Variants in ACSM5 observed in about 807,000 individuals in gnomAD.
The protein encoded by ACSM5 is acyl-coenzyme A synthetase ACSM5, mitochondrial.
Under a neutral mutation model 71.6 loss-of-function variants are expected in ACSM5, and 56 were observed. That is an observed-to-expected ratio of 0.78 (90% CI 0.63 to 0.98). ACSM5 has a LOEUF of 0.98. Among genes scored for constraint, ACSM5 ranks in the 50% least tolerant of loss-of-function variants. The pLI, the probability that ACSM5 is intolerant of heterozygous loss-of-function variation, is 0.00. For synonymous variants in ACSM5, 285 were observed against 281.5 expected (o/e 1.01, Z -0.12); for missense variants, 723 against 726.0 (o/e 1.00, Z 0.05).
chr16:20,427,073 C>A (rs1316122861), intron 6 of ACSM5, among the ~76,000 whole-genome samples: 2 of 151,576 alleles, frequency 1.3e-5, no homozygotes, highest in South Asian at 2.1e-4. Flanking sequence ...GAGGCCAAGG[C>A]GGGTGAATCA....
chr16:20,419,329 G>T lies in ACSM5; in HGVS notation c.517G>T (p.Ala173Ser). The T allele has an allele frequency of 6.2e-7, 1 of 1,614,178 alleles. No individual in the cohort carries two copies. Among genetic ancestry groups the T allele is most frequent in the Non-Finnish European group, 8.5e-7 (1 of 1,180,024 alleles). ...AKSIITSDSL[A>S]PRVDAISAEC... The stretch of plus-strand genomic sequence containing the variant: ...GTCCATTATCACCAGTGACTCCCTA[G>T]CTCCAAGGGTGGATGCCATCAGTGC... Residue 173 changes from alanine to serine, a missense_variant, in exon 4 of 14, where the codon GCT (alanine) becomes TCT (serine). Ala to Ser is a moderately conservative substitution (Grantham distance 99, BLOSUM62 1). Coordinates refer to ENST00000331849, the MANE Select transcript of ACSM5 (RefSeq NM_017888.3).
chr16:20,430,356 T>C (rs1187830211), intron 8 of ACSM5, among the ~76,000 whole-genome samples: 1 of 151,930 alleles, frequency 6.6e-6, no homozygotes, highest in African/African-American at 2.4e-5. Flanking sequence ...CATCTGCCAC[T>C]GTTCAGAGTC....
Position 20,420,468 on chromosome 16 carries a change from C to T in ACSM5, c.624-790C>T, listed in dbSNP as rs547514998. On this transcript the variant is annotated intron_variant, in intron 4 of 13. Transcript: ENST00000331849. The stretch of plus-strand genomic sequence containing the variant: ...ATACAAAATTAGCTGGGCGTGGTGG[C>T]GCACGCCTATATTCCCAGCTATTTG... Among the ~76,000 whole-genome samples, 125 of 152,242 alleles carry T rather than the reference C, an allele frequency of 8.2e-4. 1 individual carries two copies. The highest frequency in any genetic ancestry group is 2.7e-3 in the African/African-American group (111 of 41,546).
Position 20,440,808 on chromosome 16 carries a change from T to C in ACSM5, c.*381T>C, listed in dbSNP as rs1375101180. The stretch of plus-strand genomic sequence containing the variant: ...GTGGGAATGTAAAGGCTTCATCCTT[T>C]GTATGTAACCATTTGGCAAAAGTAT... On this transcript the variant is annotated 3_prime_UTR_variant, in exon 14 of 14. Coordinates refer to ENST00000331849, the MANE Select transcript of ACSM5 (RefSeq NM_017888.3). 1 of 170,668 alleles carries C rather than the reference T, an allele frequency of 5.9e-6. No homozygotes were observed. Among genetic ancestry groups the C allele is most frequent in the African/African-American group, 2.4e-5 (1 of 42,270 alleles). The allele number at this position is 170,668 out of a possible 1,614,324, so 10.6% of individuals were successfully genotyped here. A position where few individuals can be genotyped will look rare whatever the true frequency, so the allele number is the denominator to read the frequency against.
chr16:20,437,252 T>G lies in ACSM5; in HGVS notation c.1437-16T>G, dbSNP rs771968131. 6.2e-7 allele frequency: 1 copy of G among 1,614,038 alleles called. No individual in the cohort carries two copies. The highest frequency in any genetic ancestry group is 1.3e-5 in the African/African-American group (1 of 74,912). ...TGAGGGAAGCCCACTTGGAAGAGTT[T>G]GTTTTTCCCTTCCAGCTACCGGATC... On this transcript the variant is annotated splice_polypyrimidine_tract_variant and intron_variant, in intron 11 of 13. Transcript: ENST00000331849.
intron 6 of ACSM5, among the ~76,000 whole-genome samples, chr16:20,424,858 A>G (rs1037984069): frequency 1.3e-5 from 2 of 152,218 alleles, no homozygotes; most frequent in Non-Finnish European, 2.9e-5. Flanking sequence ...AATAATTTTT[A>G]ATTTTTGTGG....
rs751668291 is a variant in ACSM5, at chr16:20,418,044, T to C, written c.205-15T>C. Reference sequence around the variant, plus strand: ...TAAATTGCTTCTTTTTTTTTCTGCCTGTACCACCATCTAGGCTGGACACCG... The same window carrying C: ...TAAATTGCTTCTTTTTTTTTCTGCCCGTACCACCATCTAGGCTGGACACCG... On this transcript the variant is annotated splice_polypyrimidine_tract_variant and intron_variant, in intron 2 of 13. Coordinates refer to ENST00000331849, the MANE Select transcript of ACSM5 (RefSeq NM_017888.3). 4 of 1,609,534 alleles carry C rather than the reference T, an allele frequency of 2.5e-6. No homozygotes were observed. In the African/African-American group the frequency reaches 5.4e-5, roughly 22 times the overall value.
At chr16:20,422,162 T>C (rs971229643) in intron 5 of ACSM5, among the ~76,000 whole-genome samples, 7 of 152,188 alleles carry the variant, frequency 4.6e-5, no homozygotes, top group African/African-American at 1.7e-4. Context: ...CCCAGGCTGG[T>C]GTGCAGTGGT....
chr16:20,419,530 G>A, intron 4 of ACSM5, 95 bp downstream of exon 4: 1 of 1,248,244 alleles, frequency 8.0e-7, no homozygotes. Context: ...CACATAGAGA[G>A]CGAATCAGAG....
Position 20,439,879 on chromosome 16 carries a change from A to G in ACSM5, c.1616A>G (p.His539Arg). 6.2e-7 allele frequency: 1 copy of G among 1,612,438 alleles called. No individual in the cohort carries two copies. Among genetic ancestry groups the G allele is most frequent in the Non-Finnish European group, 8.5e-7 (1 of 1,178,784 alleles). ...GCACTAACGCGGGAACTCCAGGAGC[A>G]TGTGAAAAGGGTGACTGCTCCATAC... ...PEALTRELQE[H>R]VKRVTAPYKY... Residue 539 changes from histidine (H) to arginine (R), a missense_variant, in exon 13 of 14, where the codon CAT (histidine) becomes CGT (arginine). His to Arg is a conservative substitution (Grantham distance 29). Coordinates refer to ENST00000331849, the MANE Select transcript of ACSM5 (RefSeq NM_017888.3).
At chr16:20,437,506 C>T (rs1484329859) in intron 12 of ACSM5, 139 bp downstream of exon 12, 5 of 682,384 alleles carry the variant, frequency 7.3e-6, no homozygotes, top group South Asian at 3.7e-5. Context: ...ATCAGACACA[C>T]GTTGCCTTCA....
At chr16:20,421,051 G>C in intron 4 of ACSM5, 1 of 436,332 alleles carries the variant, frequency 2.3e-6, no homozygotes, top group Non-Finnish European at 3.8e-6. Flanking sequence ...TATCTATTTT[G>C]AGCCTCAGTT....
rs201750481 is a variant in ACSM5, at chr16:20,431,232, G to A, written c.1219G>A (p.Glu407Lys). ...PPYDVQIVDDEGNVLPPGEEG... is the reference protein window; with the variant it reads ...PPYDVQIVDDKGNVLPPGEEG... ...ATTTCCTTACCAGATTGTGGATGAT[G>A]AGGGCAACGTCCTGCCTCCTGGAGA... is the stretch of plus-strand genomic sequence containing the variant. The change falls in exon 10 of 14, where the codon GAG becomes AAG. Residue 407 changes from glutamate to lysine, a missense_variant. Coordinates refer to ENST00000331849, the MANE Select transcript of ACSM5 (RefSeq NM_017888.3). 3.8e-5 allele frequency: 62 copies of A among 1,614,004 alleles called. No individual in the cohort carries two copies. The highest frequency in any genetic ancestry group is 1.3e-4 in the East Asian group (6 of 44,894).
intron 12 of ACSM5, among the ~76,000 whole-genome samples, chr16:20,438,997 G>A (rs8064061): frequency 5.9e-5 from 8 of 136,380 alleles, no homozygotes; most frequent in Non-Finnish European, 9.2e-5. Flanking sequence ...CAAATGTTTC[G>A]TAGTTACAGT....
In ACSM5 at chr16:20,410,411, C is replaced by T. The variant is rs1040753262; in HGVS notation, c.-16+746C>T. Among the ~76,000 whole-genome samples the T allele has an allele frequency of 4.6e-5, 7 of 152,256 alleles. No homozygotes were observed. The East Asian group carries it at 1.4e-3, about 29-fold the overall frequency. On this transcript the variant is annotated intron_variant, in intron 1 of 13. Transcript: ENST00000331849. The stretch of plus-strand genomic sequence containing the variant: ...GTAGGGTGGGGTCCCATCTGCTGGT[C>T]CCAAGATCACACTTTGAGTAGCAAG...
chr16:20,427,161 C>T (rs1387195141), intron 6 of ACSM5, among the ~76,000 whole-genome samples: 4 of 151,784 alleles, frequency 2.6e-5, no homozygotes, highest in African/African-American at 7.3e-5. Context: ...ATTAGCCGGG[C>T]CTGGTGGTGG....
chr16:20,431,340 C>T lies in ACSM5; in HGVS notation c.1308+19C>T, dbSNP rs773476450. The T allele has an allele frequency of 1.9e-6, 3 of 1,586,682 alleles. No homozygotes were observed. Among genetic ancestry groups the T allele is most frequent in the Admixed American group, 1.7e-5 (1 of 60,010 alleles). ...CTATTTGGTAAGAGACGGGGAACAGCCGTTCTCATGACAGTGACTGTGTGC... is the reference window on the plus strand; with the variant it reads ...CTATTTGGTAAGAGACGGGGAACAGTCGTTCTCATGACAGTGACTGTGTGC... On this transcript the variant is annotated intron_variant, in intron 10 of 13. Transcript: ENST00000331849.
At position 20,411,646 on chromosome 16, in the gene ACSM5, C is replaced by T. The variant is rs147765778; in HGVS notation, c.162C>T (p.Asn54=). The part of the protein sequence containing the change: ...LGRQLVPEYF[N]FAHDVLDVWS... ...GGCAGCTGGTGCCTGAGTACTTCAACTTCGCCCATGATGTGCTGGATGTGT... is the reference window on the plus strand; with the variant it reads ...GGCAGCTGGTGCCTGAGTACTTCAATTTCGCCCATGATGTGCTGGATGTGT... Residue 54 remains asparagine (N), a synonymous_variant, in exon 2 of 14, where the codon AAC becomes AAT. Transcript: ENST00000331849. 4.3e-6 allele frequency: 7 copies of T among 1,614,018 alleles called. No homozygotes were observed. Among genetic ancestry groups the T allele is most frequent in the Middle Eastern group, 1.6e-4 (1 of 6,066 alleles).
intron 2 of ACSM5, among the ~76,000 whole-genome samples, chr16:20,414,686 A>G (rs1966853314): frequency 6.6e-6 from 1 of 152,254 alleles, no homozygotes. Context: ...GCTGTAATAA[A>G]TACCAAAGGA....
Sources: gnomAD v4.1 joint callset for allele counts (sites outside exome capture counted in the v4.1 genomes callset) on GRCh38, gnomAD v4.1.1 for gene constraint, MANE v1.5 for transcripts, NCBI Gene and HGNC (gene_info 2026-07-23, HGNC 2026-07-21) for gene names.